The following EML5 variants were observed in gnomAD, a reference collection of about 807,000 sequenced individuals.
The protein encoded by EML5 is EMAP like 5.
A neutral mutation model predicts 250.0 loss-of-function variants in EML5; 120 were observed. The observed-to-expected ratio is 0.48, with a 90% CI of 0.41 to 0.56. The LOEUF (loss-of-function observed/expected upper bound fraction) is 0.56, where lower values mean the gene tolerates loss of function less well. Ranked by LOEUF, EML5 falls within the 20% of genes least tolerant of loss-of-function variation. The pLI is 0.00. For synonymous variants in EML5, 771 were observed against 806.5 expected, an observed-to-expected ratio of 0.96 and a Z score of 0.75; for missense variants, 2,006 against 2,437.6, an observed-to-expected ratio of 0.82 and a Z score of 3.73.
At chr14:88,622,955 C>A in intron 36 of EML5, 1 of 362,690 alleles carries the variant, frequency 2.8e-6, no homozygotes, top group Non-Finnish European at 4.9e-6. Context: ...TTTTTTCTGA[C>A]ATGAGCATAA....
At chr14:88,637,349 A>G (rs993151187) in intron 32 of EML5, among the ~76,000 whole-genome samples, 4 of 152,194 alleles carry the variant, frequency 2.6e-5, no homozygotes, top group African/African-American at 9.6e-5. Flanking sequence ...CATATTTTCT[A>G]TAGTGTTGTC....
intron 7 of EML5, among the ~76,000 whole-genome samples, chr14:88,730,801 ATAAC>A (rs1256506226): frequency 2.0e-5 from 3 of 152,258 alleles, no homozygotes; most frequent in Non-Finnish European, 4.4e-5. Flanking sequence ...AAGATGAATT[ATAAC>A]TAACTGATGG....
intron 2 of EML5, among the ~76,000 whole-genome samples, chr14:88,749,544 A>T (rs1319749528): frequency 6.6e-6 from 1 of 152,196 alleles, no homozygotes; most frequent in Non-Finnish European, 1.5e-5. Flanking sequence ...AAAAAGTTTT[A>T]ACAACTATTT....
At chr14:88,781,178 C>T (rs781471908) in intron 1 of EML5, among the ~76,000 whole-genome samples, 1 of 152,208 alleles carries the variant, frequency 6.6e-6, no homozygotes, top group Non-Finnish European at 1.5e-5. Context: ...ATACAATGCT[C>T]ATGCTGTTTT....
At chr14:88,740,597 A>G in intron 4 of EML5, 25 bp from the exon 5 acceptor site, 2 of 1,504,296 alleles carry the variant, frequency 1.3e-6, no homozygotes, top group Non-Finnish European at 1.8e-6. Flanking sequence ...GTATAATCAA[A>G]TTACCAAAGA....
At chr14:88,747,652 G>A (rs574818191) in intron 2 of EML5, among the ~76,000 whole-genome samples, 33 of 152,206 alleles carry the variant, frequency 2.2e-4, no homozygotes, top group Admixed American at 1.2e-3. Context: ...CAAAGAATAC[G>A]AGACTATAAA....
intron 9 of EML5, 82 bp downstream of exon 9, chr14:88,714,857 A>T: frequency 7.4e-7 from 1 of 1,356,550 alleles, no homozygotes; most frequent in Non-Finnish European, 1.0e-6. Context: ...CTATGATCAA[A>T]TGTAACTTAC....
chr14:88,628,916 TACATA>T (rs1162987213), intron 33 of EML5, among the ~76,000 whole-genome samples: 2 of 152,112 alleles, frequency 1.3e-5, no homozygotes, highest in South Asian at 2.1e-4. Flanking sequence ...CACGGAAACA[TACATA>T]AAAGTTTATC....
intron 31 of EML5, 138 bp downstream of exon 31, chr14:88,642,755 T>C (rs556781373): frequency 1.9e-5 from 17 of 880,412 alleles, no homozygotes; most frequent in East Asian, 1.8e-4. Context: ...AGTTCTGAAA[T>C]ATGAAATATT....
At chr14:88,648,417 G>C (rs546365684) in intron 28 of EML5, among the ~76,000 whole-genome samples, 1 of 152,080 alleles carries the variant, frequency 6.6e-6, no homozygotes, top group East Asian at 1.9e-4. Context: ...GCAGTGGTGT[G>C]ATCATGGCTT....
intron 1 of EML5, among the ~76,000 whole-genome samples, chr14:88,763,629 A>G (rs1238105680): frequency 6.6e-6 from 1 of 152,200 alleles, no homozygotes; most frequent in Non-Finnish European, 1.5e-5. Context: ...CAATAGAAAA[A>G]GAGGGAATTC....
chr14:88,687,460 G>A lies in EML5; in HGVS notation c.2743-133C>T, dbSNP rs372445976. The A allele has an allele frequency of 7.6e-5, 47 of 618,870 alleles. 1 individual carries two copies. The African/African-American group carries it at 8.5e-4, about 11-fold the overall frequency. 38.3% of individuals were successfully genotyped at this position (618,870 alleles called of 1,614,324 possible). A position where few individuals can be genotyped will look rare whatever the true frequency, so the allele number is the denominator to read the frequency against. ...TACAGCTTGTAAAGAACAGGAATTA[G>A]CTTAAGAATCCATTGTGTTTTTAAA... On this transcript the variant is annotated intron_variant, in intron 18 of 43. Coordinates refer to ENST00000554922, the MANE Select transcript of EML5 (RefSeq NM_183387.3).
At chr14:88,751,557 A>T (rs2140350507) in intron 2 of EML5, among the ~76,000 whole-genome samples, 1 of 152,108 alleles carries the variant, frequency 6.6e-6, no homozygotes, top group Non-Finnish European at 1.5e-5. Context: ...ATAAAGAGAG[A>T]ATTCAGTTTT....
intron 4 of EML5, among the ~76,000 whole-genome samples, chr14:88,741,693 G>T (rs1450643558): frequency 6.6e-6 from 1 of 152,046 alleles, no homozygotes; most frequent in Admixed American, 6.6e-5. Flanking sequence ...ACTCCAGCAT[G>T]GGCCACATGG....
chr14:88,627,002 C>T lies in EML5; in HGVS notation c.4576G>A (p.Val1526Met). ...SRAGHNQRIF[V>M]AEFRPDSDTQ... ...TCTGAATCTGGTCGGAATTCTGCCA[C>T]AAAAATACGTTGATTGTGACCAGCT... The change falls in exon 35 of 44, where the codon GTG (valine) becomes ATG (methionine). Residue 1526 changes from valine (V) to methionine (M), a missense_variant. This residue lies in a region of EML5 where 405 missense variants were observed against 523.3 expected (regional missense o/e 0.77). Coordinates refer to ENST00000554922, the MANE Select transcript of EML5 (RefSeq NM_183387.3). 6.2e-7 allele frequency: 1 copy of T among 1,613,822 alleles called. No homozygotes were observed. Among genetic ancestry groups the T allele is most frequent in the Non-Finnish European group, 8.5e-7 (1 of 1,179,854 alleles).
chr14:88,724,227 A>T (rs1181862228), intron 8 of EML5, among the ~76,000 whole-genome samples: 2 of 149,436 alleles, frequency 1.3e-5, no homozygotes, highest in East Asian at 4.0e-4. Flanking sequence ...GTGAGCCGAG[A>T]TTGCGCCACT....
At chr14:88,639,271 C>T (rs1464494901) in intron 31 of EML5, among the ~76,000 whole-genome samples, 1 of 152,130 alleles carries the variant, frequency 6.6e-6, no homozygotes, top group Non-Finnish European at 1.5e-5. Flanking sequence ...GAAGGGCCTT[C>T]TAGACAGAGG....
At chr14:88,752,578 T>C (rs1300711602) in intron 2 of EML5, among the ~76,000 whole-genome samples, 2 of 152,300 alleles carry the variant, frequency 1.3e-5, no homozygotes, top group Admixed American at 6.5e-5. Flanking sequence ...TATAGATCCA[T>C]TACCAGAAAG....
intron 17 of EML5, among the ~76,000 whole-genome samples, chr14:88,689,326 T>C (rs1365683464): frequency 6.6e-6 from 1 of 150,866 alleles, no homozygotes; most frequent in Non-Finnish European, 1.5e-5. Context: ...GAAGTTTATA[T>C]ACCAATGTAC....
Sources: allele counts gnomAD v4.1 joint callset (sites outside exome capture counted in the v4.1 genomes callset), GRCh38; gene constraint gnomAD v4.1.1; regional missense constraint gnomAD v4.1.1; transcripts MANE v1.5; gene names NCBI Gene and HGNC (gene_info 2026-07-23, HGNC 2026-07-21).